The following ACOX1 variants were observed in gnomAD, a reference collection of about 807,000 sequenced individuals.
ACOX1 encodes the protein peroxisomal acyl-coenzyme A oxidase 1.
A neutral mutation model predicts 75.5 loss-of-function variants in ACOX1; 41 were observed. That is an observed-to-expected ratio of 0.54 (90% CI 0.42 to 0.70). ACOX1 has a LOEUF of 0.70. Among genes scored for constraint, ACOX1 ranks in the 30% least tolerant of loss-of-function variants. ACOX1 has a pLI of 0.00. For missense variants in ACOX1, 630 were observed against 837.5 expected (o/e 0.75, Z 3.06); for synonymous variants, 303 against 298.8 (o/e 1.01, Z -0.15).
intron 2 of ACOX1, chr17:75,973,460 G>C: frequency 1.3e-6 from 1 of 750,176 alleles, no homozygotes; most frequent in Non-Finnish European, 2.3e-6. Flanking sequence ...CCCTGGACCA[G>C]TTTCCAGGGA....
intron 2 of ACOX1, among the ~76,000 whole-genome samples, chr17:75,976,902 A>G (rs577315592): frequency 9.2e-5 from 14 of 152,154 alleles, no homozygotes; most frequent in Admixed American, 3.3e-4. Flanking sequence ...GAAAATGCCC[A>G]GGAATAAATG....
intron 3 of ACOX1, 60 bp from the exon 4 acceptor site, chr17:75,957,626 A>G (rs1033377777): frequency 1.9e-5 from 26 of 1,353,162 alleles, no homozygotes; most frequent in African/African-American, 2.9e-5. Flanking sequence ...AGGCACAAGG[A>G]AAAATTTCCT....
rs1487881142 is a variant in ACOX1, at chr17:75,960,927, G to A, written c.270-552C>T. 1.3e-5 allele frequency among the ~76,000 whole-genome samples: 2 copies of A among 151,820 alleles called. No homozygotes were observed. Among genetic ancestry groups the A allele is most frequent in the African/African-American group, 4.8e-5 (2 of 41,318 alleles). On this transcript the variant is annotated intron_variant, in intron 2 of 13. Coordinates refer to ENST00000293217, the MANE Select transcript of ACOX1 (RefSeq NM_004035.7). This position sits in a 1 kb window ranked among gnomAD's most constrained non-coding sequence, Gnocchi z 4.4. ...TAGGAGGCGGAGGTTGCAGTGAGCC[G>A]AGATCATGCCCACTGCATTCCAGCC...
At chr17:75,972,960 CA>C (rs1221103891) in intron 2 of ACOX1, among the ~76,000 whole-genome samples, 1 of 152,164 alleles carries the variant, frequency 6.6e-6, no homozygotes, top group Non-Finnish European at 1.5e-5. Context: ...GTTCAAATTC[CA>C]AACACTCAAA....
At chr17:75,967,931 G>A (rs1452836510) in intron 2 of ACOX1, among the ~76,000 whole-genome samples, 1 of 149,478 alleles carries the variant, frequency 6.7e-6, no homozygotes, top group Admixed American at 6.7e-5. Context: ...GTACAGACAG[G>A]TTTCACCATG....
chr17:75,975,669 C>T (rs890747256), intron 2 of ACOX1, among the ~76,000 whole-genome samples: 5 of 152,090 alleles, frequency 3.3e-5, no homozygotes, highest in African/African-American at 2.4e-5. Context: ...CTCAGCCAGG[C>T]GCAGTGGCTT....
At chr17:75,958,933 C>T (rs75447445) in intron 3 of ACOX1, among the ~76,000 whole-genome samples, 3 of 152,100 alleles carry the variant, frequency 2.0e-5, no homozygotes, top group African/African-American at 7.2e-5. Flanking sequence ...TTTCCAATGG[C>T]AGGCCTAACT....
chr17:75,978,418 T>C lies in ACOX1; in HGVS notation c.269+116A>G. ...ACACATATAACTTTATAAAGTTGCA[T>C]GAAAATATGCCAGTTTGCATCTTCA... On this transcript the variant is annotated intron_variant, in intron 2 of 13. Transcript: ENST00000293217. This position sits in a 1 kb window ranked among gnomAD's most constrained non-coding sequence, Gnocchi z 4.2. 4 of 1,407,030 alleles carry C rather than the reference T, an allele frequency of 2.8e-6. No homozygotes were observed. The highest frequency in any genetic ancestry group is 4.0e-6 in the Non-Finnish European group (4 of 999,260). 87.2% of individuals were successfully genotyped at this position (1,407,030 alleles called of 1,614,324 possible). A position where few individuals can be genotyped will look rare whatever the true frequency, so the allele number is the denominator to read the frequency against.
chr17:75,956,310 A>C lies in ACOX1; in HGVS notation c.539-363T>G, dbSNP rs188508191. ...AAATTATAAATAAATAAAATATATA[A>C]TGTGAATAACAAAATCCTTCAACCA... On this transcript the variant is annotated intron_variant, in intron 4 of 13. Transcript: ENST00000293217. Among the ~76,000 whole-genome samples the C allele has an allele frequency of 2.0e-5, 3 of 152,318 alleles. No homozygotes were observed. The East Asian group carries it at 5.8e-4, about 29-fold the overall frequency.
At chr17:75,952,922 G>C (rs1263491444) in intron 7 of ACOX1, among the ~76,000 whole-genome samples, 1 of 151,808 alleles carries the variant, frequency 6.6e-6, no homozygotes, top group Non-Finnish European at 1.5e-5. Context: ...TAATCTTCTT[G>C]CCTTAGCCTC....
At chr17:75,976,653 A>T (rs1273839953) in intron 2 of ACOX1, among the ~76,000 whole-genome samples, 1 of 152,170 alleles carries the variant, frequency 6.6e-6, no homozygotes, top group African/African-American at 2.4e-5. Flanking sequence ...TTTAAAACTG[A>T]GTGGAGCTCT....
chr17:75,954,564 GCTC>G (rs1234304651), intron 6 of ACOX1, among the ~76,000 whole-genome samples: 5 of 141,310 alleles, frequency 3.5e-5, no homozygotes, highest in African/African-American at 1.1e-4. Flanking sequence ...TGCATTATTA[GCTC>G]CTTTTTTTTT....
intron 2 of ACOX1, among the ~76,000 whole-genome samples, chr17:75,975,004 C>G (rs1302143460): frequency 7.3e-6 from 1 of 136,172 alleles, no homozygotes; most frequent in Non-Finnish European, 1.5e-5. Flanking sequence ...GAGCCGAGAT[C>G]GCACCACTGC....
chr17:75,968,947 T>C (rs934431277), intron 2 of ACOX1, among the ~76,000 whole-genome samples: 2 of 151,436 alleles, frequency 1.3e-5, no homozygotes, highest in Non-Finnish European at 2.9e-5. Flanking sequence ...AGAAATATGT[T>C]AAAGTAGCAA....
intron 2 of ACOX1, among the ~76,000 whole-genome samples, chr17:75,974,390 C>A (rs1417808042): frequency 1.3e-5 from 2 of 152,092 alleles, no homozygotes; most frequent in African/African-American, 4.8e-5. Context: ...AAATTTATCC[C>A]CAATGGTCAA....
In ACOX1 at chr17:75,949,744, G is replaced by A. The variant is rs377000540; in HGVS notation, c.1452C>T (p.Thr484=). 4.5e-5 allele frequency: 73 copies of A among 1,614,112 alleles called. No homozygotes were observed. Among genetic ancestry groups the A allele is most frequent in the African/African-American group, 8.0e-5 (6 of 75,034 alleles). The change falls in exon 10 of 14, where the codon ACC becomes ACT. Residue 484 remains threonine, a synonymous_variant. Transcript: ENST00000293217. ...TGGCTGCACGGAGTTTATATGCTTC[G>A]GTTAGGCTTTCGGGGCTGTTGATAT... ...MVDINSPESL[T]EAYKLRAARL...
At chr17:75,972,157 G>A (rs951976302) in intron 2 of ACOX1, among the ~76,000 whole-genome samples, 4 of 151,860 alleles carry the variant, frequency 2.6e-5, no homozygotes, top group African/African-American at 9.7e-5. Context: ...GTGAAACCCC[G>A]TCTCTACTAA....
rs2065680350 is a variant in ACOX1, at chr17:75,942,429, C to CCAAA, written c.*4318_*4319insTTTG. ...TGGGTGAAAGAGCAAGACAACGTCT[C>CCAAA]AAAAAAAAAAAAAAAAAAAAAAGCA... On this transcript the variant is annotated 3_prime_UTR_variant, in exon 14 of 14. Transcript: ENST00000293217. The CCAAA allele has an allele frequency of 1.5e-5, 1 of 66,634 alleles. No individual in the cohort carries two copies. The highest frequency in any genetic ancestry group is 5.5e-5 in the African/African-American group (1 of 18,044). The allele number at this position is 66,634 out of a possible 1,614,324, so 4.1% of individuals were successfully genotyped here.
Position 75,946,734 on chromosome 17 carries a change from G to C in ACOX1, c.*14C>G, listed in dbSNP as rs2065723336. On this transcript the variant is annotated 3_prime_UTR_variant, in exon 14 of 14. Transcript: ENST00000293217. ...GCGCTTTCTGAAGCAGATTAAACTTGTCCTTGTGACACTTCAGAGCTTGGA... is the reference window on the plus strand; with the variant it reads ...GCGCTTTCTGAAGCAGATTAAACTTCTCCTTGTGACACTTCAGAGCTTGGA... The C allele has an allele frequency of 6.2e-7, 1 of 1,613,270 alleles. No individual in the cohort carries two copies. The highest frequency in any genetic ancestry group is 8.5e-7 in the Non-Finnish European group (1 of 1,179,258).
Sources: allele counts gnomAD v4.1 joint callset (sites outside exome capture counted in the v4.1 genomes callset), GRCh38; gene constraint gnomAD v4.1.1; non-coding constraint Gnocchi (gnomAD v3.1); transcripts MANE v1.5; gene names NCBI Gene and HGNC (gene_info 2026-07-23, HGNC 2026-07-21).